Variants in DIXDC1 observed in about 807,000 individuals in gnomAD.
DIXDC1 encodes DIX domain containing 1.
A neutral mutation model predicts 103.1 loss-of-function variants in DIXDC1; 64 were observed. That is an observed-to-expected ratio of 0.62 (90% CI 0.51 to 0.76). The LOEUF is 0.76. Among genes scored for constraint, DIXDC1 ranks in the 30% least tolerant of loss-of-function variants. DIXDC1 has a pLI of 0.00. For missense variants in DIXDC1, 759 were observed against 834.2 expected (o/e 0.91, Z 1.11); for synonymous variants, 266 against 298.5 (o/e 0.89, Z 1.12).
At chr11:111,969,777 GCCAA>G (rs1859854092) in intron 3 of DIXDC1, among the ~76,000 whole-genome samples, 1 of 152,052 alleles carries the variant, frequency 6.6e-6, no homozygotes, top group East Asian at 1.9e-4. Context: ...TTTAGATGAG[GCCAA>G]TACTGATCAT....
At chr11:111,993,867 A>G in intron 14 of DIXDC1, 127 bp downstream of exon 14, 2 of 1,050,650 alleles carry the variant, frequency 1.9e-6, no homozygotes, top group Non-Finnish European at 1.4e-6. Flanking sequence ...GCTAGTTAAA[A>G]GTGCAGGTTC....
chr11:111,982,612 G>A, intron 7 of DIXDC1, 125 bp downstream of exon 7: 1 of 1,044,784 alleles, frequency 9.6e-7, no homozygotes, highest in Non-Finnish European at 1.4e-6. Context: ...TTTAGATATA[G>A]GGAATAGCAC....
Position 111,976,296 on chromosome 11 carries a change from G to A in DIXDC1, c.656+1313G>A, listed in dbSNP as rs1860093452. Reference sequence around the variant, plus strand: ...AGTGGATTTCTTCCTGAGGGCACCTGCTTTCTCCTCCAAGGCAGGAGGACT... The same window carrying A: ...AGTGGATTTCTTCCTGAGGGCACCTACTTTCTCCTCCAAGGCAGGAGGACT... On this transcript the variant is annotated intron_variant, in intron 5 of 19. Transcript: ENST00000440460. This position sits in a 1 kb window ranked among gnomAD's most constrained non-coding sequence, Gnocchi z 4.3. Among the ~76,000 whole-genome samples the A allele has an allele frequency of 6.6e-6, 1 of 152,148 alleles. No individual in the cohort carries two copies. Among genetic ancestry groups the A allele is most frequent in the South Asian group, 2.1e-4 (1 of 4,824 alleles).
At chr11:112,000,487 A>G (rs1861032323) in intron 17 of DIXDC1, among the ~76,000 whole-genome samples, 7 of 152,178 alleles carry the variant, frequency 4.6e-5, no homozygotes, top group Non-Finnish European at 8.8e-5. Flanking sequence ...TCATGAGGTC[A>G]GGAGATCGAG....
intron 19 of DIXDC1, among the ~76,000 whole-genome samples, chr11:112,018,485 T>C (rs939357288): frequency 2.0e-5 from 3 of 152,204 alleles, no homozygotes; most frequent in Non-Finnish European, 4.4e-5. Context: ...TTTGTAAACA[T>C]TTCCTCAGTG....
At chr11:111,957,050 G>T (rs1269080063) in intron 1 of DIXDC1, among the ~76,000 whole-genome samples, 1 of 152,066 alleles carries the variant, frequency 6.6e-6, no homozygotes, top group Non-Finnish European at 1.5e-5. Context: ...GTGCATGCCT[G>T]TAGTCCCAGC....
At chr11:111,992,565 G>A (rs1555174673) in intron 11 of DIXDC1, 46 bp downstream of exon 11, 1 of 1,490,440 alleles carries the variant, frequency 6.7e-7, no homozygotes, top group Admixed American at 2.0e-5. Context: ...CCCATTAGCA[G>A]AACAGGCTAC....
chr11:111,977,448 C>G lies in DIXDC1; in HGVS notation c.656+2465C>G. 1 of 1,256,394 alleles carries G rather than the reference C, an allele frequency of 8.0e-7. No individual in the cohort carries two copies. Among genetic ancestry groups the G allele is most frequent in the Non-Finnish European group, 1.0e-6 (1 of 998,586 alleles). The allele number at this position is 1,256,394 out of a possible 1,614,324, so 77.8% of individuals were successfully genotyped here. ...GCCCGGCACCGTGCGTCCGCGGAGGCCAAGATGCAGCGGCCAGGGGCCGGC... is the reference window on the plus strand; with the variant it reads ...GCCCGGCACCGTGCGTCCGCGGAGGGCAAGATGCAGCGGCCAGGGGCCGGC... On this transcript the variant is annotated intron_variant, in intron 5 of 19. Transcript: ENST00000440460. This position sits in a 1 kb window ranked among gnomAD's most constrained non-coding sequence, Gnocchi z 6.1.
chr11:111,977,594 G>A lies in DIXDC1; in HGVS notation c.656+2611G>A. Reference sequence around the variant, plus strand: ...CTGGGGCCGAGACGCCGCCGCCGCCGCCGTTCCCGCTTTCTCCCGCGAGCC... The same window carrying A: ...CTGGGGCCGAGACGCCGCCGCCGCCACCGTTCCCGCTTTCTCCCGCGAGCC... On this transcript the variant is annotated intron_variant, in intron 5 of 19. Transcript: ENST00000440460. This position sits in a 1 kb window ranked among gnomAD's most constrained non-coding sequence, Gnocchi z 6.1. 4.6e-6 allele frequency: 7 copies of A among 1,509,900 alleles called. No homozygotes were observed. Among genetic ancestry groups the A allele is most frequent in the South Asian group, 1.3e-5 (1 of 79,408 alleles). The allele number at this position is 1,509,900 out of a possible 1,614,324, so 93.5% of individuals were successfully genotyped here.
chr11:111,947,045 T>C (rs1555169446), intron 1 of DIXDC1, among the ~76,000 whole-genome samples: 1 of 152,178 alleles, frequency 6.6e-6, no homozygotes, highest in Non-Finnish European at 1.5e-5. Flanking sequence ...ATGCAGTTTT[T>C]TTTTTCTTTT....
intron 1 of DIXDC1, among the ~76,000 whole-genome samples, chr11:111,943,487 CTTTT>C (rs1161024928): frequency 9.5e-4 from 108 of 113,432 alleles, no homozygotes; most frequent in Middle Eastern, 6.9e-3. Context: ...TTCTTTCTCT[CTTTT>C]TTTTTTTTTT....
intron 17 of DIXDC1, among the ~76,000 whole-genome samples, chr11:112,004,074 A>T (rs1476044138): frequency 6.8e-6 from 1 of 147,054 alleles, no homozygotes; most frequent in Non-Finnish European, 1.5e-5. Flanking sequence ...GTGTATATAT[A>T]TGTGTGTGTA....
At chr11:111,989,609 G>A (rs1319473380) in intron 10 of DIXDC1, among the ~76,000 whole-genome samples, 6 of 146,040 alleles carry the variant, frequency 4.1e-5, no homozygotes, top group Admixed American at 6.8e-5. Flanking sequence ...AGGTGACAGG[G>A]TGAGACTCCG....
At chr11:111,929,974 A>C (rs1965961079) in intron 2 of DIXDC1, 1 of 1,414,706 alleles carries the variant, frequency 7.1e-7, no homozygotes, top group Admixed American at 2.0e-5. Flanking sequence ...ATACAGTTCT[A>C]CTTCTGGGGA....
chr11:112,022,130 C>T lies in DIXDC1; in HGVS notation c.*3094C>T, dbSNP rs1357478841. 6.6e-6 allele frequency: 1 copy of T among 152,134 alleles called. No homozygotes were observed. The highest frequency in any genetic ancestry group is 1.5e-5 in the Non-Finnish European group (1 of 68,026). 9.4% of individuals were successfully genotyped at this position (152,134 alleles called of 1,614,324 possible). ...TTAAACTTACTTGGTAATGGCACTT[C>T]TACTTACTGACCAACTTTTCAGCTC... On this transcript the variant is annotated 3_prime_UTR_variant, in exon 20 of 20. Coordinates refer to ENST00000440460, the MANE Select transcript of DIXDC1 (RefSeq NM_001037954.4). This position sits in a 1 kb window ranked among gnomAD's most constrained non-coding sequence, Gnocchi z 4.9.
In DIXDC1 at chr11:112,017,574, A is replaced by G; in HGVS notation, c.1863-203A>G. 5.6e-6 allele frequency: 2 copies of G among 359,534 alleles called. No individual in the cohort carries two copies. The highest frequency in any genetic ancestry group is 1.4e-4 in the South Asian group (2 of 13,920). 22.3% of individuals were successfully genotyped at this position (359,534 alleles called of 1,614,324 possible). On this transcript the variant is annotated intron_variant, in intron 18 of 19. Coordinates refer to ENST00000440460, the MANE Select transcript of DIXDC1 (RefSeq NM_001037954.4). This position sits in a 1 kb window ranked among gnomAD's most constrained non-coding sequence, Gnocchi z 4.0. Reference sequence around the variant, plus strand: ...CAATTTTAAATTCTCACATCACCCCATATTTAATACTGTTTTCATTCCCTA... The same window carrying G: ...CAATTTTAAATTCTCACATCACCCCGTATTTAATACTGTTTTCATTCCCTA...
intron 1 of DIXDC1, among the ~76,000 whole-genome samples, chr11:111,940,383 C>T (rs1340571284): frequency 6.6e-6 from 1 of 152,208 alleles, no homozygotes; most frequent in Admixed American, 6.5e-5. Flanking sequence ...CTGTCATCCC[C>T]CATTTCCTAT....
Position 112,017,555 on chromosome 11 carries a change from T to C in DIXDC1, c.1863-222T>C. Reference sequence around the variant, plus strand: ...GGCTTCTGAAGCAATAAGTCAATTTTAAATTCTCACATCACCCCATATTTA... The same window carrying C: ...GGCTTCTGAAGCAATAAGTCAATTTCAAATTCTCACATCACCCCATATTTA... On this transcript the variant is annotated intron_variant, in intron 18 of 19. Coordinates refer to ENST00000440460, the MANE Select transcript of DIXDC1 (RefSeq NM_001037954.4). The surrounding 1 kb of genome is among the most constrained non-coding windows in gnomAD (Gnocchi z 4.0). 1 of 303,886 alleles carries C rather than the reference T, an allele frequency of 3.3e-6. No homozygotes were observed. Among genetic ancestry groups the C allele is most frequent in the Non-Finnish European group, 6.1e-6 (1 of 163,900 alleles). 18.8% of individuals were successfully genotyped at this position (303,886 alleles called of 1,614,324 possible). A position where few individuals can be genotyped will look rare whatever the true frequency, so the allele number is the denominator to read the frequency against.
chr11:111,967,400 ATATAT>A (rs1417657741), intron 2 of DIXDC1, among the ~76,000 whole-genome samples: 2 of 152,140 alleles, frequency 1.3e-5, no homozygotes, highest in Non-Finnish European at 2.9e-5. Context: ...CCTTTTTGTC[ATATAT>A]TATATCGAAT....
Sources: allele counts gnomAD v4.1 joint callset (sites outside exome capture counted in the v4.1 genomes callset), GRCh38; gene constraint gnomAD v4.1.1; non-coding constraint Gnocchi (gnomAD v3.1); transcripts MANE v1.5; gene names NCBI Gene and HGNC (gene_info 2026-07-23, HGNC 2026-07-21).